Variants in LDLRAD4 observed in about 807,000 individuals in gnomAD.
The protein encoded by LDLRAD4 is low density lipoprotein receptor class A domain containing 4, also known as low-density lipoprotein receptor class A domain-containing protein 4.
Under a neutral mutation model 17.0 loss-of-function variants are expected in LDLRAD4, and 5 were observed. The observed-to-expected ratio is 0.29, with a 90% confidence interval of 0.15 to 0.62. The LOEUF is 0.62. LDLRAD4 is among the 20% of genes least tolerant of loss of function. LDLRAD4 has a pLI of 0.84. For missense variants in LDLRAD4, 340 were observed against 424.7 expected, an observed-to-expected ratio of 0.80 and a Z score of 1.75; for synonymous variants, 168 against 171.8, an observed-to-expected ratio of 0.98 and a Z score of 0.17.
At chr18:13,643,464 G>GGGGGGGGGGGGGGGGGGGC in intron 5 of LDLRAD4, 52 bp downstream of exon 6, 1 of 288,984 alleles carries the variant, frequency 3.5e-6, no homozygotes, top group Non-Finnish European at 6.5e-6. Flanking sequence ...GGTGGGTGGG[G>GGGGGGGGGGGGGGGGGGGC]ATGAAGGGGG....
At chr18:13,375,777 A>C (rs576798066) in intron 1 of LDLRAD4, among the ~76,000 whole-genome samples, 1 of 152,150 alleles carries the variant, frequency 6.6e-6, no homozygotes, top group South Asian at 2.1e-4. Flanking sequence ...CCTCCCTGCC[A>C]GGGAGCCTGC....
chr18:13,509,721 G>A (rs191986801), intron 3 of LDLRAD4, among the ~76,000 whole-genome samples: 1 of 152,326 alleles, frequency 6.6e-6, no homozygotes, highest in African/African-American at 2.4e-5. Context: ...AGCATTGCAT[G>A]TACAGAGAAA....
In LDLRAD4 at chr18:13,621,043, G is replaced by T. The variant is rs2040579942; in HGVS notation, c.182-74G>T. ...AGGCCTTCAGGGCCTGATGGCTGGGGTGGTGACAGTGCCTGGAGAATGGGT... is the reference window on the plus strand; with the variant it reads ...AGGCCTTCAGGGCCTGATGGCTGGGTTGGTGACAGTGCCTGGAGAATGGGT... On this transcript the variant is annotated intron_variant, in intron 3 of 5. Coordinates refer to ENST00000359446, the Ensembl canonical transcript of LDLRAD4. The surrounding 1 kb of genome is among the most constrained non-coding windows in gnomAD (Gnocchi z 5.5). 1.9e-6 allele frequency: 3 copies of T among 1,607,898 alleles called. No individual in the cohort carries two copies. Among genetic ancestry groups the T allele is most frequent in the Non-Finnish European group, 2.6e-6 (3 of 1,175,832 alleles).
chr18:13,378,427 T>C (rs1334062381), intron 1 of LDLRAD4, among the ~76,000 whole-genome samples: 2 of 152,136 alleles, frequency 1.3e-5, no homozygotes, highest in African/African-American at 2.4e-5. Flanking sequence ...GAGAGGTGCA[T>C]GTGAAGAACT....
At chr18:13,271,461 G>A (rs28587637) in intron 1 of LDLRAD4, among the ~76,000 whole-genome samples, 75 of 152,280 alleles carry the variant, frequency 4.9e-4, no homozygotes, top group African/African-American at 1.7e-3. Flanking sequence ...CTTAGTTCAC[G>A]AGGTCTTTTT....
At chr18:13,607,795 A>G (rs963729644) in intron 3 of LDLRAD4, among the ~76,000 whole-genome samples, 3 of 152,206 alleles carry the variant, frequency 2.0e-5, no homozygotes, top group African/African-American at 7.2e-5. Flanking sequence ...TTATGGCTGC[A>G]TAGTATTCCA....
At position 13,621,207 on chromosome 18, in the gene LDLRAD4, T is replaced by C; in HGVS notation, c.272T>C (p.Val91Ala). The C allele has an allele frequency of 6.2e-7, 1 of 1,613,964 alleles. No individual in the cohort carries two copies. Among genetic ancestry groups the C allele is most frequent in the Non-Finnish European group, 8.5e-7 (1 of 1,180,018 alleles). ...GTCTGCCTGCTGAACCACTACAAAG[T>C]CTCCACGCGGTCCTTCATCAACCGC... The change falls in exon 4 of 6, where the codon GTC becomes GCC. Residue 91 changes from valine (V) to alanine (A), a missense_variant. Val to Ala is a moderately conservative substitution (Grantham distance 64). Coordinates refer to ENST00000359446, the Ensembl canonical transcript of LDLRAD4. The surrounding 1 kb of genome is among the most constrained non-coding windows in gnomAD (Gnocchi z 5.5).
intron 1 of LDLRAD4, among the ~76,000 whole-genome samples, chr18:13,359,577 A>G (rs1307834150): frequency 1.3e-5 from 2 of 152,052 alleles, no homozygotes; most frequent in Non-Finnish European, 2.9e-5. Flanking sequence ...TTTGCTATGT[A>G]ATATTAGTAA....
intron 3 of LDLRAD4, among the ~76,000 whole-genome samples, chr18:13,559,773 C>T (rs1363722825): frequency 2.0e-5 from 3 of 152,140 alleles, no homozygotes; most frequent in Non-Finnish European, 4.4e-5. Flanking sequence ...CCAGGACATT[C>T]GCTAAATCAC....
chr18:13,506,392 T>G (rs1250682994), intron 3 of LDLRAD4, among the ~76,000 whole-genome samples: 1 of 116,490 alleles, frequency 8.6e-6, no homozygotes, highest in East Asian at 2.7e-4. Flanking sequence ...AGCTGTTTCT[T>G]TTATAACTCC....
intron 2 of LDLRAD4, among the ~76,000 whole-genome samples, chr18:13,409,282 C>A (rs2088092333): frequency 1.3e-5 from 2 of 152,134 alleles, no homozygotes; most frequent in African/African-American, 2.4e-5. Context: ...GGTGGGTAGG[C>A]TGCTGCCTCC....
chr18:13,343,599 G>A (rs1291310817), intron 1 of LDLRAD4, among the ~76,000 whole-genome samples: 1 of 152,176 alleles, frequency 6.6e-6, no homozygotes, highest in Non-Finnish European at 1.5e-5. Flanking sequence ...TATATACCCA[G>A]TAATGGGATT....
At chr18:13,465,597 C>T (rs2092588541) in intron 3 of LDLRAD4, among the ~76,000 whole-genome samples, 1 of 152,200 alleles carries the variant, frequency 6.6e-6, no homozygotes, top group Non-Finnish European at 1.5e-5. Context: ...GCCTTTGGCC[C>T]TGGGCATGCC....
intron 3 of LDLRAD4, among the ~76,000 whole-genome samples, chr18:13,518,190 G>A (rs1327184876): frequency 6.6e-6 from 1 of 152,178 alleles, no homozygotes; most frequent in Non-Finnish European, 1.5e-5. Flanking sequence ...CTCTTGTGAT[G>A]AGTTGTGGGT....
In LDLRAD4 at chr18:13,445,278, CAG is replaced by C. The variant is rs111470314; in HGVS notation, c.181+6897_181+6898del. 9.1e-3 allele frequency among the ~76,000 whole-genome samples: 1,386 copies of C among 152,124 alleles called. 24 individuals are homozygous for C. Among genetic ancestry groups the C allele is most frequent in the African/African-American group, 0.031 (1,284 of 41,476 alleles). On this transcript the variant is annotated intron_variant, in intron 3 of 5. Coordinates refer to ENST00000359446, the Ensembl canonical transcript of LDLRAD4. ...GTGTATGCATGAGATGTGAGTATGC[CAG>C]AGTGTGTGGGACTGTGTGTGGTATT...
intron 3 of LDLRAD4, among the ~76,000 whole-genome samples, chr18:13,600,033 C>G (rs2095142789): frequency 6.6e-6 from 1 of 152,154 alleles, no homozygotes; most frequent in Non-Finnish European, 1.5e-5. Flanking sequence ...AGTCTGGTCT[C>G]AAACTCCTGA....
chr18:13,281,970 C>A (rs1270738228), intron 1 of LDLRAD4, among the ~76,000 whole-genome samples: 1 of 152,110 alleles, frequency 6.6e-6, no homozygotes, highest in Non-Finnish European at 1.5e-5. Flanking sequence ...GCTGGGGAGG[C>A]CTCAGAATCA....
intron 3 of LDLRAD4, among the ~76,000 whole-genome samples, chr18:13,588,977 G>A (rs1034376124): frequency 6.8e-6 from 1 of 146,756 alleles, no homozygotes; most frequent in Admixed American, 6.8e-5. Flanking sequence ...CGCCCAGGCT[G>A]GAGTGCAGTG....
chr18:13,629,993 C>T (rs1047479596), intron 4 of LDLRAD4, among the ~76,000 whole-genome samples: 2 of 152,194 alleles, frequency 1.3e-5, no homozygotes, highest in African/African-American at 4.8e-5. Flanking sequence ...TGATGCCTGC[C>T]TGGATCTTGT....
Sources: gnomAD v4.1 joint callset for allele counts (sites outside exome capture counted in the v4.1 genomes callset) on GRCh38, gnomAD v4.1.1 for gene constraint, Gnocchi (gnomAD v3.1) non-coding constraint, MANE v1.5 for transcripts, NCBI Gene and HGNC (gene_info 2026-07-23, HGNC 2026-07-21) for gene names.